The following ZFHX3 variants were observed in gnomAD, a reference collection of about 807,000 sequenced individuals.
ZFHX3 encodes zinc finger homeobox 3.
A neutral mutation model predicts 279.1 loss-of-function variants in ZFHX3; 42 were observed. The ratio of observed to expected loss-of-function variants is 0.15; its 90% CI spans 0.12 to 0.19. The LOEUF is 0.19. ZFHX3 is among the 10% of genes least tolerant of loss of function. The pLI, the probability that ZFHX3 is intolerant of heterozygous loss-of-function variation, is 1.00. For synonymous variants in ZFHX3, 2,293 were observed against 1,957.8 expected (o/e 1.17, Z -4.52); for missense variants, 4,981 against 4,754.0 (o/e 1.05, Z -1.40).
chr16:73,265,069 G>A lies in ZFHX3; in HGVS notation c.-1193-7933C>T, dbSNP rs896412672. Among the ~76,000 whole-genome samples, 7 of 134,580 alleles carry A rather than the reference G, an allele frequency of 5.2e-5. No homozygotes were observed. The East Asian group carries it at 9.6e-4, about 19-fold the overall frequency. The allele number at this position is 134,580 out of a possible 152,430, so 88.3% of individuals were successfully genotyped here. A position where few individuals can be genotyped will look rare whatever the true frequency, so the allele number is the denominator to read the frequency against. On this transcript the variant is annotated intron_variant, in intron 4 of 17. Transcript: ENST00000641206. ...CGCATATATATAATAGCACCTCAGCGCATATATGCGTGTGTGTGTGTGTGT... is the reference window on the plus strand; with the variant it reads ...CGCATATATATAATAGCACCTCAGCACATATATGCGTGTGTGTGTGTGTGT...
chr16:73,144,652 C>A (rs958384880), intron 5 of ZFHX3, among the ~76,000 whole-genome samples: 14 of 152,058 alleles, frequency 9.2e-5, no homozygotes, highest in Admixed American at 5.9e-4. Flanking sequence ...GTATTCAGAC[C>A]CCTGAAACCC....
chr16:73,399,962 A>G (rs1470912381), intron 3 of ZFHX3, among the ~76,000 whole-genome samples: 4 of 152,100 alleles, frequency 2.6e-5, no homozygotes, highest in African/African-American at 9.7e-5. Flanking sequence ...CATGCACAGT[A>G]ACAGACGTAC....
At chr16:73,569,774 G>T (rs1323198039) in intron 2 of ZFHX3, among the ~76,000 whole-genome samples, 1 of 152,200 alleles carries the variant, frequency 6.6e-6, no homozygotes, top group African/African-American at 2.4e-5. Flanking sequence ...CTCCTGGGCA[G>T]GGCCGGAAGA....
At chr16:73,516,284 T>G (rs2019520160) in intron 2 of ZFHX3, among the ~76,000 whole-genome samples, 1 of 152,204 alleles carries the variant, frequency 6.6e-6, no homozygotes, top group African/African-American at 2.4e-5. Flanking sequence ...GCTTACATCC[T>G]ACCGTGGCTG....
At chr16:73,885,421 T>C (rs1374658983) in intron 1 of ZFHX3, among the ~76,000 whole-genome samples, 1 of 152,198 alleles carries the variant, frequency 6.6e-6, no homozygotes, top group Non-Finnish European at 1.5e-5. Context: ...GCTGAGCTTA[T>C]CCCAGCTGTG....
At chr16:72,946,239 C>T (rs1960668026) in intron 3 of ZFHX3, among the ~76,000 whole-genome samples, 1 of 152,154 alleles carries the variant, frequency 6.6e-6, no homozygotes, top group Admixed American at 6.5e-5. Flanking sequence ...TACCTCAGGC[C>T]AAGCAGAGTT....
chr16:72,872,469 T>C (rs1417105726), intron 4 of ZFHX3, among the ~76,000 whole-genome samples: 2 of 152,162 alleles, frequency 1.3e-5, no homozygotes, highest in Non-Finnish European at 2.9e-5. Flanking sequence ...TGTGTTTTGC[T>C]TTTTTTGAGA....
chr16:73,796,625 A>C (rs1959997361), intron 1 of ZFHX3: 1 of 152,280 alleles, frequency 6.6e-6, no homozygotes, highest in Admixed American at 6.5e-5. Flanking sequence ...GGTTGCCTCC[A>C]CATATCGCAG....
chr16:73,562,719 A>G (rs1457048376), intron 2 of ZFHX3, among the ~76,000 whole-genome samples: 2 of 151,906 alleles, frequency 1.3e-5, no homozygotes, highest in East Asian at 3.9e-4. Context: ...AGAGGGTCAA[A>G]AAAAAAAAGA....
chr16:73,383,401 C>G (rs1392756431), intron 3 of ZFHX3, among the ~76,000 whole-genome samples: 1 of 152,198 alleles, frequency 6.6e-6, no homozygotes, highest in African/African-American at 2.4e-5. Flanking sequence ...GCTGGTAACT[C>G]AGGCTCCGTG....
At chr16:73,577,284 G>C (rs2051810281) in intron 2 of ZFHX3, among the ~76,000 whole-genome samples, 1 of 152,156 alleles carries the variant, frequency 6.6e-6, no homozygotes. Context: ...CTGTATCTCA[G>C]GCACTTCCTT....
At chr16:73,743,050 A>G (rs1445262042) in intron 1 of ZFHX3, among the ~76,000 whole-genome samples, 2 of 152,236 alleles carry the variant, frequency 1.3e-5, no homozygotes, top group Non-Finnish European at 2.9e-5. Flanking sequence ...GCAGTTATTC[A>G]TACAGACTTG....
At chr16:73,063,802 C>A (rs1252232578), upstream of ZFHX3, among the ~76,000 whole-genome samples, 1 of 152,142 alleles carries the variant, frequency 6.6e-6, no homozygotes, top group African/African-American at 2.4e-5. Flanking sequence ...CCAACTCAGG[C>A]GGACTGGGGA....
intron 3 of ZFHX3, among the ~76,000 whole-genome samples, chr16:73,331,847 C>T (rs1042563381): frequency 1.3e-5 from 2 of 152,130 alleles, no homozygotes; most frequent in Non-Finnish European, 2.9e-5. Context: ...TAGAAAAAGA[C>T]GTGCCACGAG....
chr16:73,107,585 G>A (rs577872517), intron 7 of ZFHX3, among the ~76,000 whole-genome samples: 1 of 152,300 alleles, frequency 6.6e-6, no homozygotes, highest in South Asian at 2.1e-4. Flanking sequence ...CATCACTCCT[G>A]TGCCTGGAAC....
intron 3 of ZFHX3, among the ~76,000 whole-genome samples, chr16:72,921,069 C>CAAAAAAAAA (rs57294537): frequency 8.5e-5 from 2 of 23,572 alleles, no homozygotes; most frequent in African/African-American, 2.8e-4. Context: ...CAGACCTTGT[C>CAAAAAAAAA]AAAAAAAAAA....
At chr16:73,062,748 C>G (rs897881000), upstream of ZFHX3, among the ~76,000 whole-genome samples, 1 of 151,536 alleles carries the variant, frequency 6.6e-6, no homozygotes, top group Admixed American at 6.6e-5. Context: ...AAAAAGAAAA[C>G]CCCGTGTGGA....
chr16:73,730,521 G>A (rs2053561477), intron 1 of ZFHX3, among the ~76,000 whole-genome samples: 1 of 152,150 alleles, frequency 6.6e-6, no homozygotes, highest in South Asian at 2.1e-4. Context: ...GGTTTGGCTC[G>A]TGGAAGCTGA....
In ZFHX3 at chr16:73,888,899, A is replaced by T. The variant is rs1319508369; in HGVS notation, c.-1608+2752T>A. Among the ~76,000 whole-genome samples the T allele has an allele frequency of 2.9e-5, 3 of 103,824 alleles. No homozygotes were observed. The East Asian group carries it at 8.9e-4, about 31-fold the overall frequency. The allele number at this position is 103,824 out of a possible 152,430, so 68.1% of individuals were successfully genotyped here. Reference sequence around the variant, plus strand: ...GTTCCCCCAACGCCCGCCCCCTACCACCCCCCCAAAAAATCCTGTAAACCT... The same window carrying T: ...GTTCCCCCAACGCCCGCCCCCTACCTCCCCCCCAAAAAATCCTGTAAACCT... On this transcript the variant is annotated intron_variant, in intron 1 of 17. Transcript: ENST00000641206.
Sources: gnomAD v4.1 joint callset for allele counts (sites outside exome capture counted in the v4.1 genomes callset) on GRCh38, gnomAD v4.1.1 for gene constraint, MANE v1.5 for transcripts, NCBI Gene and HGNC (gene_info 2026-07-23, HGNC 2026-07-21) for gene names.